The following SEMA6D variants were observed in gnomAD, a reference collection of about 807,000 sequenced individuals.
SEMA6D encodes semaphorin 6D, also known as semaphorin-6D.
In SEMA6D, 35 loss-of-function variants were observed where a neutral mutation model predicts 106.6. That is an observed-to-expected ratio of 0.33 (90% confidence interval 0.25 to 0.44). The LOEUF (loss-of-function observed/expected upper bound fraction) is 0.44, where lower values mean the gene tolerates loss of function less well. Among genes scored for constraint, SEMA6D ranks in the 20% least tolerant of loss-of-function variants. The pLI is 1.00. For synonymous variants in SEMA6D, 499 were observed against 487.7 expected, an observed-to-expected ratio of 1.02 and a Z score of -0.31; for missense variants, 1,185 against 1,345.9, an observed-to-expected ratio of 0.88 and a Z score of 1.87.
chr15:47,450,313 T>C (rs960244069), intron 2 of SEMA6D, among the ~76,000 whole-genome samples: 11 of 152,112 alleles, frequency 7.2e-5, no homozygotes, highest in African/African-American at 2.7e-4. Flanking sequence ...TTGCCTATGA[T>C]GTGCTAGATG....
chr15:47,319,290 C>T lies in SEMA6D; in HGVS notation c.-238-93103C>T, dbSNP rs990429973. Among the ~76,000 whole-genome samples, 7 of 152,268 alleles carry T rather than the reference C, an allele frequency of 4.6e-5. No individual in the cohort carries two copies. The South Asian group carries it at 8.3e-4, about 18-fold the overall frequency. ...TCCCAGTCTTATAATTCAAACATTTCTGCTGTATCCCATTCTTGTGTTTGC... is the reference window on the plus strand; with the variant it reads ...TCCCAGTCTTATAATTCAAACATTTTTGCTGTATCCCATTCTTGTGTTTGC... On this transcript the variant is annotated intron_variant, in intron 1 of 19. Coordinates refer to the SEMA6D transcript ENST00000558014.
At chr15:47,203,162 A>G (rs1014166569) in intron 1 of SEMA6D, among the ~76,000 whole-genome samples, 5 of 152,128 alleles carry the variant, frequency 3.3e-5, no homozygotes, top group African/African-American at 4.8e-5. Context: ...TCAGAAGGCA[A>G]TACCCCCAAA....
chr15:47,564,053 A>G (rs2046157558), intron 3 of SEMA6D, among the ~76,000 whole-genome samples: 1 of 152,236 alleles, frequency 6.6e-6, no homozygotes, highest in Non-Finnish European at 1.5e-5. Context: ...GAGTTCAAAG[A>G]AACCTGACCC....
chr15:47,601,113 AGAG>A (rs1471150652), intron 4 of SEMA6D, among the ~76,000 whole-genome samples: 3 of 152,130 alleles, frequency 2.0e-5, no homozygotes, highest in South Asian at 2.1e-4. Flanking sequence ...AGAGAGAGAG[AGAG>A]AAAGAGAGAG....
chr15:47,690,196 C>T (rs530469203), intron 4 of SEMA6D, among the ~76,000 whole-genome samples: 17 of 152,148 alleles, frequency 1.1e-4, no homozygotes, highest in Non-Finnish European at 2.5e-4. Context: ...AAGTCAAAAG[C>T]CTCAAAACGT....
At chr15:47,251,636 T>A (rs2033516892) in intron 1 of SEMA6D, among the ~76,000 whole-genome samples, 2 of 152,276 alleles carry the variant, frequency 1.3e-5, no homozygotes, top group South Asian at 4.1e-4. Context: ...AATAACACAT[T>A]ATAAAAGTTC....
chr15:47,288,196 G>A (rs2035452655), intron 1 of SEMA6D, among the ~76,000 whole-genome samples: 1 of 152,124 alleles, frequency 6.6e-6, no homozygotes, highest in African/African-American at 2.4e-5. Flanking sequence ...ATATTAACAA[G>A]TCTCATGTCT....
intron 2 of SEMA6D, among the ~76,000 whole-genome samples, chr15:47,426,747 A>G (rs917355258): frequency 2.1e-4 from 32 of 152,118 alleles, no homozygotes; most frequent in African/African-American, 7.5e-4. Flanking sequence ...TTTTTCCCCC[A>G]AGTAAAGCCC....
At chr15:47,645,566 A>C (rs2077567440) in intron 4 of SEMA6D, among the ~76,000 whole-genome samples, 1 of 151,910 alleles carries the variant, frequency 6.6e-6, no homozygotes, top group African/African-American at 2.4e-5. Context: ...TCTGACACCA[A>C]ATGTGTGGGG....
chr15:47,558,423 A>C (rs2045976250), intron 3 of SEMA6D, among the ~76,000 whole-genome samples: 2 of 152,064 alleles, frequency 1.3e-5, no homozygotes. Flanking sequence ...GAAAGTGCCA[A>C]ATAACCACAG....
chr15:47,229,804 G>A (rs114270312), intron 1 of SEMA6D, among the ~76,000 whole-genome samples: 1 of 151,952 alleles, frequency 6.6e-6, no homozygotes, highest in Non-Finnish European at 1.5e-5. Context: ...GACTGAATAT[G>A]TTCTATGCTT....
chr15:47,535,585 G>A (rs564690775), intron 3 of SEMA6D, among the ~76,000 whole-genome samples: 2 of 151,840 alleles, frequency 1.3e-5, no homozygotes, highest in Admixed American at 6.6e-5. Flanking sequence ...TACCTTAGGG[G>A]AGTAAACAAC....
rs757150370 is a variant in SEMA6D at position 47,765,982 on chromosome 15, G to T, written c.1541G>T (p.Arg514Leu). The T allele has an allele frequency of 5.0e-6, 8 of 1,594,936 alleles. No individual in the cohort carries two copies. The highest frequency in any genetic ancestry group is 6.8e-6 in the Non-Finnish European group (8 of 1,170,040). ...SSCIIRIPLS[R>L]CERYGSCKKS... ...TGCATTATCCGCATCCCCCTCAGTCGCTGTGAGCGTTATGGATCATGTAAA... is the reference window on the plus strand; with the variant it reads ...TGCATTATCCGCATCCCCCTCAGTCTCTGTGAGCGTTATGGATCATGTAAA... The change falls in exon 14 of 19, where the codon CGC becomes CTC. Residue 514 changes from arginine (R) to leucine (L), a missense_variant. Arg to Leu is a moderately radical substitution (Grantham distance 102). Coordinates refer to ENST00000536845, the MANE Select transcript of SEMA6D (RefSeq NM_001358351.3).
At chr15:47,739,166 C>G (rs1045459868) in intron 1 of SEMA6D, among the ~76,000 whole-genome samples, 5 of 152,150 alleles carry the variant, frequency 3.3e-5, no homozygotes, top group African/African-American at 1.2e-4. Context: ...TATATACACC[C>G]ACTTCTGAAT....
chr15:47,469,899 C>A (rs1253482455), intron 2 of SEMA6D, among the ~76,000 whole-genome samples: 1 of 152,060 alleles, frequency 6.6e-6, no homozygotes, highest in Non-Finnish European at 1.5e-5. Flanking sequence ...CTTTATTTCT[C>A]CTCTCAGAAA....
Position 47,643,923 on chromosome 15 carries a change from C to G in SEMA6D, c.-55+43027C>G, listed in dbSNP as rs78287884. The stretch of plus-strand genomic sequence containing the variant: ...CTTCTTATTCTCCTCTCCCACCCTT[C>G]TCAGGTCCTAGCAACCACAATTCTA... On this transcript the variant is annotated intron_variant, in intron 4 of 19. Coordinates refer to the SEMA6D transcript ENST00000558014. Among the ~76,000 whole-genome samples, 1,118 of 151,934 alleles carry G rather than the reference C, an allele frequency of 7.4e-3. 6 individuals are homozygous for G. Among genetic ancestry groups the G allele is most frequent in the Non-Finnish European group, 0.012 (831 of 68,016 alleles).
intron 1 of SEMA6D, among the ~76,000 whole-genome samples, chr15:47,301,798 A>G (rs533258335): frequency 6.6e-6 from 1 of 152,234 alleles, no homozygotes; most frequent in African/African-American, 2.4e-5. Context: ...GTGCCACAGC[A>G]TACTGATTTG....
At chr15:47,600,495 C>T (rs2076626939) in intron 3 of SEMA6D, among the ~76,000 whole-genome samples, 1 of 152,086 alleles carries the variant, frequency 6.6e-6, no homozygotes, top group African/African-American at 2.4e-5. Context: ...TAAAATAAGA[C>T]ATAGCTGACC....
chr15:47,201,633 C>A (rs1894732833), intron 1 of SEMA6D, among the ~76,000 whole-genome samples: 1 of 152,090 alleles, frequency 6.6e-6, no homozygotes, highest in Non-Finnish European at 1.5e-5. Flanking sequence ...TGCAGTCCCA[C>A]AGATCACAAA....
Sources: allele counts gnomAD v4.1 joint callset (sites outside exome capture counted in the v4.1 genomes callset), GRCh38; gene constraint gnomAD v4.1.1; transcripts MANE v1.5; gene names NCBI Gene and HGNC (gene_info 2026-07-23, HGNC 2026-07-21).